Variants in FAM76B observed in about 807,000 individuals in gnomAD.
FAM76B encodes family with sequence similarity 76 member B.
FAM76B carries 16 observed loss-of-function variants against 51.8 expected under a neutral mutation model. The ratio of observed to expected loss-of-function variants is 0.31; its 90% CI spans 0.21 to 0.47. The LOEUF (loss-of-function observed/expected upper bound fraction) is 0.47. Ranked by LOEUF, FAM76B falls within the 20% of genes least tolerant of loss-of-function variation. The pLI is 1.00. For synonymous variants in FAM76B, 166 were observed against 129.5 expected (o/e 1.28, Z -1.91); for missense variants, 342 against 392.6 (o/e 0.87, Z 1.09).
Position 95,779,026 on chromosome 11 carries a change from A to G in FAM76B, c.693-69T>C, listed in dbSNP as rs970138538. The G allele has an allele frequency of 2.2e-5, 35 of 1,596,728 alleles. No homozygotes were observed. In the Middle Eastern group the frequency reaches 5.0e-4, roughly 23 times the overall value. ...AAATTAGCAGGTGTTCAAATTGCAT[A>G]AATTAGACAATTCCACAAACATCCT... On this transcript the variant is annotated intron_variant, in intron 7 of 9. Coordinates refer to ENST00000358780, the MANE Select transcript of FAM76B (RefSeq NM_144664.5).
At chr11:95,780,113 T>C (rs1367133624) in intron 5 of FAM76B, among the ~76,000 whole-genome samples, 187 bp from the exon 6 acceptor site, 1 of 151,870 alleles carries the variant, frequency 6.6e-6, no homozygotes, top group Non-Finnish European at 1.5e-5. Context: ...TAAATTTTAA[T>C]AAAATGACTG....
In FAM76B at chr11:95,774,183, T is replaced by C. The variant is rs145660477; in HGVS notation, c.930+1739A>G. 5.6e-4 allele frequency among the ~76,000 whole-genome samples: 85 copies of C among 151,406 alleles called. 2 individuals are homozygous for C. Among genetic ancestry groups the C allele is most frequent in the Middle Eastern group, 6.8e-3 (2 of 294 alleles). Reference sequence around the variant, plus strand: ...AACTAGTGTAGGACAGGGAAAAGTATAGATAAACTGGAGTGAGAAGACAGA... The same window carrying C: ...AACTAGTGTAGGACAGGGAAAAGTACAGATAAACTGGAGTGAGAAGACAGA... On this transcript the variant is annotated intron_variant, in intron 9 of 9. Coordinates refer to ENST00000358780, the MANE Select transcript of FAM76B (RefSeq NM_144664.5).
Position 95,786,250 on chromosome 11 carries a change from T to C in FAM76B, c.232A>G (p.Ile78Val), listed in dbSNP as rs1198661444. 6.2e-7 allele frequency: 1 copy of C among 1,614,154 alleles called. No individual in the cohort carries two copies. Among genetic ancestry groups the C allele is most frequent in the Admixed American group, 1.7e-5 (1 of 60,024 alleles). The change falls in exon 4 of 10, where the codon ATA becomes GTA. Residue 78 changes from isoleucine to valine, a missense_variant. By Grantham distance (29) the Ile-to-Val change is conservative. Coordinates refer to ENST00000358780, the MANE Select transcript of FAM76B (RefSeq NM_144664.5). ...TTGGTACCAATAAATGCTGCAATTA[T>C]GTTACAGTACTGACAAGGCTTGGGC... ...GTPKPCQYCN[I>V]IAAFIGTKCQ...
chr11:95,773,639 C>A (rs928324318), intron 9 of FAM76B, among the ~76,000 whole-genome samples: 8 of 151,324 alleles, frequency 5.3e-5, no homozygotes, highest in Admixed American at 1.3e-4. Context: ...ATTTGTAACA[C>A]AAACTCCACC....
At chr11:95,774,884 T>A (rs1859926268) in intron 9 of FAM76B, among the ~76,000 whole-genome samples, 2 of 151,148 alleles carry the variant, frequency 1.3e-5, no homozygotes, top group Non-Finnish European at 3.0e-5. Context: ...GACCAGATAA[T>A]CTGTACCTCG....
In FAM76B at chr11:95,788,592, T is replaced by C. The variant is rs758549517; in HGVS notation, c.88-29A>G. 35 of 1,590,812 alleles carry C rather than the reference T, an allele frequency of 2.2e-5. No individual in the cohort carries two copies. In the Middle Eastern group the frequency reaches 5.0e-4, roughly 23 times the overall value. On this transcript the variant is annotated intron_variant, in intron 1 of 9. Coordinates refer to ENST00000358780, the MANE Select transcript of FAM76B (RefSeq NM_144664.5). Reference sequence around the variant, plus strand: ...TAATAAGACAATACATTAGTCAGTATCTTTCTGAAAGTCCCAAATCTCACT... The same window carrying C: ...TAATAAGACAATACATTAGTCAGTACCTTTCTGAAAGTCCCAAATCTCACT...
chr11:95,789,538 C>T lies in FAM76B; in HGVS notation c.-60G>A. The T allele has an allele frequency of 2.0e-6, 3 of 1,490,114 alleles. No homozygotes were observed. Among genetic ancestry groups the T allele is most frequent in the Admixed American group, 2.1e-5 (1 of 47,028 alleles). 92.3% of individuals were successfully genotyped at this position (1,490,114 alleles called of 1,614,324 possible). On this transcript the variant is annotated 5_prime_UTR_variant, in exon 1 of 10. Transcript: ENST00000358780. Reference sequence around the variant, plus strand: ...CTCCGAGGCGGGGCCCTACGGAGAACCCGAGAGCCGCCGCCGCCCGGGCCG... The same window carrying T: ...CTCCGAGGCGGGGCCCTACGGAGAATCCGAGAGCCGCCGCCGCCCGGGCCG...
Position 95,789,751 on chromosome 11 carries a change from G to T in FAM76B, c.-273C>A. 4.5e-6 allele frequency: 2 copies of T among 446,448 alleles called. No homozygotes were observed. The highest frequency in any genetic ancestry group is 2.1e-5 in the African/African-American group (1 of 47,862). The allele number at this position is 446,448 out of a possible 1,614,324, so 27.7% of individuals were successfully genotyped here. ...GGCGGAGGGAGACGAAGCGGGTAGG[G>T]GGTTGCTGTTTAGCTGTGCGGCCGT... On this transcript the variant is annotated 5_prime_UTR_variant, in exon 1 of 10. Coordinates refer to ENST00000358780, the MANE Select transcript of FAM76B (RefSeq NM_144664.5).
rs1166123600 is a variant in FAM76B at position 95,789,498 on chromosome 11, C to T, written c.-20G>A. On this transcript the variant is annotated 5_prime_UTR_variant, in exon 1 of 10. Coordinates refer to ENST00000358780, the MANE Select transcript of FAM76B (RefSeq NM_144664.5). ...CGCCATCCTGCTCCTCAGTCTCCTC[C>T]TCCGCCGCCGCCCGCTCCGAGGCGG... The T allele has an allele frequency of 2.5e-6, 4 of 1,582,724 alleles. No homozygotes were observed. In the African/African-American group the frequency reaches 5.4e-5, roughly 21 times the overall value.
Position 95,769,947 on chromosome 11 carries a change from A to T in FAM76B, c.*1614T>A, listed in dbSNP as rs1859696142. 6.6e-6 allele frequency: 1 copy of T among 151,722 alleles called. No individual in the cohort carries two copies. Among genetic ancestry groups the T allele is most frequent in the East Asian group, 1.9e-4 (1 of 5,182 alleles). The allele number at this position is 151,722 out of a possible 1,614,324, so 9.4% of individuals were successfully genotyped here. A position where few individuals can be genotyped will look rare whatever the true frequency, so the allele number is the denominator to read the frequency against. ...TGAGAACAGTCTATTGAAACACGTC[A>T]TGTTAAAAAAAAATTGTTTCAATCA... is the stretch of plus-strand genomic sequence containing the variant. On this transcript the variant is annotated 3_prime_UTR_variant, in exon 10 of 10. Transcript: ENST00000358780.
chr11:95,775,501 C>CTT (rs1859958938), intron 9 of FAM76B, among the ~76,000 whole-genome samples: 1 of 151,456 alleles, frequency 6.6e-6, no homozygotes, highest in African/African-American at 2.4e-5. Context: ...ACTCCAGGTC[C>CTT]TTAAGAATTG....
chr11:95,783,014 G>A lies in FAM76B; in HGVS notation c.563+51C>T, dbSNP rs765111206. 3.1e-6 allele frequency: 5 copies of A among 1,598,572 alleles called. No homozygotes were observed. The South Asian group carries it at 5.6e-5, about 18-fold the overall frequency. ...TGCAAGAAGTAAACATCAATAAATGGCATTAAAATGCAAGGAAGAGTTTTA... is the reference window on the plus strand; with the variant it reads ...TGCAAGAAGTAAACATCAATAAATGACATTAAAATGCAAGGAAGAGTTTTA... On this transcript the variant is annotated intron_variant, in intron 5 of 9. Transcript: ENST00000358780.
Position 95,771,488 on chromosome 11 carries a change from A to C in FAM76B, c.*73T>G. 8.1e-7 allele frequency: 1 copy of C among 1,228,784 alleles called. No homozygotes were observed. The highest frequency in any genetic ancestry group is 1.8e-5 in the Admixed American group (1 of 54,414). 76.1% of individuals were successfully genotyped at this position (1,228,784 alleles called of 1,614,324 possible). On this transcript the variant is annotated 3_prime_UTR_variant, in exon 10 of 10. Transcript: ENST00000358780. ...GCAAAAATATTTTTCTACTACACAGAATTTAAGGGCTTCACAGAATTTTTT... is the reference window on the plus strand; with the variant it reads ...GCAAAAATATTTTTCTACTACACAGCATTTAAGGGCTTCACAGAATTTTTT...
chr11:95,778,136 T>C (rs1860093271), intron 8 of FAM76B, among the ~76,000 whole-genome samples: 2 of 151,546 alleles, frequency 1.3e-5, no homozygotes, highest in Admixed American at 1.3e-4. Flanking sequence ...TGAATCTAAG[T>C]ATGGCTAAAT....
At position 95,789,055 on chromosome 11, in the gene FAM76B, G is replaced by A; in HGVS notation, c.87+337C>T. ...GTGGAAGAAGAGGACAGACCAGGCA[G>A]AAAACCGAGATGAAAACATCTCCAC... On this transcript the variant is annotated intron_variant, in intron 1 of 9. Transcript: ENST00000358780. 3.0e-5 allele frequency: 42 copies of A among 1,384,748 alleles called. No individual in the cohort carries two copies. In the South Asian group the frequency reaches 4.6e-4, roughly 15 times the overall value. The allele number at this position is 1,384,748 out of a possible 1,614,324, so 85.8% of individuals were successfully genotyped here. A position where few individuals can be genotyped will look rare whatever the true frequency, so the allele number is the denominator to read the frequency against.
intron 2 of FAM76B, among the ~76,000 whole-genome samples, 174 bp downstream of exon 2, chr11:95,788,325 G>T (rs1478993043): frequency 2.6e-5 from 4 of 151,892 alleles, no homozygotes; most frequent in Admixed American, 6.6e-5. Flanking sequence ...ACCACCACTG[G>T]TTTTTTTCGC....
At chr11:95,777,219 C>CA (rs1231037168) in intron 8 of FAM76B, among the ~76,000 whole-genome samples, 2 of 151,352 alleles carry the variant, frequency 1.3e-5, no homozygotes, top group Non-Finnish European at 3.0e-5. Flanking sequence ...ATAACTTCAT[C>CA]ATCTTAGATT....
chr11:95,789,015 GTCCCCTGCCTCC>G (rs1860792597), intron 1 of FAM76B: 8 of 1,357,686 alleles, frequency 5.9e-6, no homozygotes, highest in African/African-American at 1.5e-5. Flanking sequence ...TGCAAAAACC[GTCCCCTGCCTCC>G]TGGTGGAAGA....
chr11:95,781,122 C>A (rs1860246014), intron 5 of FAM76B, among the ~76,000 whole-genome samples: 1 of 151,240 alleles, frequency 6.6e-6, no homozygotes. Flanking sequence ...GCCTAACAAG[C>A]CATACATGAA....
Sources: allele counts gnomAD v4.1 joint callset (sites outside exome capture counted in the v4.1 genomes callset), GRCh38; gene constraint gnomAD v4.1.1; transcripts MANE v1.5; gene names NCBI Gene and HGNC (gene_info 2026-07-23, HGNC 2026-07-21).